Variants in MEF2C observed in about 807,000 individuals in gnomAD.
The protein encoded by MEF2C is myocyte enhancer factor 2C.
In MEF2C, 6 loss-of-function variants were observed where a neutral mutation model predicts 50.5. The observed-to-expected ratio is 0.12, with a 90% CI of 0.07 to 0.23. The LOEUF (loss-of-function observed/expected upper bound fraction) is 0.23. Among genes scored for constraint, MEF2C ranks in the 10% least tolerant of loss-of-function variants. MEF2C has a pLI of 1.00. For synonymous variants in MEF2C, 183 were observed against 228.0 expected (o/e 0.80, Z 1.78); for missense variants, 276 against 605.0 (o/e 0.46, Z 5.70).
intron 1 of MEF2C, among the ~76,000 whole-genome samples, chr5:88,830,639 G>C (rs1812657422): frequency 6.6e-6 from 1 of 152,010 alleles, no homozygotes; most frequent in Non-Finnish European, 1.5e-5. Flanking sequence ...AGAACCTTGT[G>C]CTATCCAACC....
At chr5:88,741,200 C>T (rs553563902) in intron 6 of MEF2C, 1 of 985,364 alleles carries the variant, frequency 1.0e-6, no homozygotes, top group Admixed American at 6.1e-5. Context: ...TTCATAAATA[C>T]TACTGGAACT....
At chr5:88,831,693 T>C (rs1046445891) in intron 1 of MEF2C, among the ~76,000 whole-genome samples, 1 of 152,088 alleles carries the variant, frequency 6.6e-6, no homozygotes, top group Non-Finnish European at 1.5e-5. Context: ...AATGCTATAA[T>C]ACTATCTCTC....
At chr5:88,734,112 A>T (rs762184440) in intron 6 of MEF2C, 1 of 984,814 alleles carries the variant, frequency 1.0e-6, no homozygotes, top group Non-Finnish European at 1.2e-6. Flanking sequence ...TTTATATTTA[A>T]TATGTCATCC....
In MEF2C at chr5:88,891,393, C is replaced by CTTT. The variant is rs771799863; in HGVS notation, c.-239-3798_-239-3796dup. Among the ~76,000 whole-genome samples, 429 of 104,826 alleles carry CTTT rather than the reference C, an allele frequency of 4.1e-3. 3 individuals carry two copies. The highest frequency in any genetic ancestry group is 7.1e-3 in the African/African-American group (171 of 24,064). 68.8% of individuals were successfully genotyped at this position (104,826 alleles called of 152,430 possible). On this transcript the variant is annotated intron_variant, in intron 1 of 11. Transcript: ENST00000340208. ...TCAGAAATGTTAATAACCAACCAAC[C>CTTT]TTTTTTTTTTTTTTTTTTTTTTGAG...
At chr5:88,898,945 A>G (rs1314507436) in intron 1 of MEF2C, among the ~76,000 whole-genome samples, 1 of 152,142 alleles carries the variant, frequency 6.6e-6, no homozygotes, top group Non-Finnish European at 1.5e-5. Flanking sequence ...TCTTGTTCCA[A>G]CATTTTCCTG....
At chr5:88,828,736 G>A (rs1811908310) in intron 1 of MEF2C, among the ~76,000 whole-genome samples, 1 of 151,972 alleles carries the variant, frequency 6.6e-6, no homozygotes, top group East Asian at 1.9e-4. Context: ...TATGAAGCAT[G>A]CAATTATATT....
At chr5:88,891,722 TATTACAA>T (rs1834600678) in intron 1 of MEF2C, among the ~76,000 whole-genome samples, 1 of 152,152 alleles carries the variant, frequency 6.6e-6, no homozygotes, top group Non-Finnish European at 1.5e-5. Flanking sequence ...AACAAAACAT[TATTACAA>T]ATTACACTAT....
chr5:88,782,664 TAA>T (rs1170191352), intron 3 of MEF2C, among the ~76,000 whole-genome samples: 1 of 152,186 alleles, frequency 6.6e-6, no homozygotes, highest in Non-Finnish European at 1.5e-5. Flanking sequence ...AATAAAAATA[TAA>T]GTTTGGTGAA....
intron 3 of MEF2C, among the ~76,000 whole-genome samples, chr5:88,793,620 C>A (rs1794780782): frequency 6.6e-6 from 1 of 151,958 alleles, no homozygotes; most frequent in African/African-American, 2.4e-5. Context: ...TAATATGTAT[C>A]TATATAGCAC....
chr5:88,737,143 G>A, intron 6 of MEF2C: 1 of 985,368 alleles, frequency 1.0e-6, no homozygotes, highest in Non-Finnish European at 1.2e-6. Context: ...ACAATGAGGT[G>A]AGAACTGAAA....
At chr5:88,755,750 T>C (rs1290949486) in intron 4 of MEF2C, among the ~76,000 whole-genome samples, 1 of 152,240 alleles carries the variant, frequency 6.6e-6, no homozygotes, top group Non-Finnish European at 1.5e-5. Flanking sequence ...TAAAACTATA[T>C]CTTCCCTGAA....
At chr5:88,766,003 C>T (rs1779883818) in intron 3 of MEF2C, among the ~76,000 whole-genome samples, 1 of 152,172 alleles carries the variant, frequency 6.6e-6, no homozygotes, top group African/African-American at 2.4e-5. Context: ...CTGAGAACAG[C>T]CGTTTCCTAG....
chr5:88,780,415 CAG>C (rs1296796629), intron 3 of MEF2C, among the ~76,000 whole-genome samples: 14 of 152,134 alleles, frequency 9.2e-5, no homozygotes, highest in Non-Finnish European at 1.5e-5. Flanking sequence ...TGAAAATCTT[CAG>C]AGTGTGAAAA....
upstream of MEF2C, among the ~76,000 whole-genome samples, chr5:88,885,770 T>G (rs1833992127): frequency 6.6e-6 from 1 of 152,214 alleles, no homozygotes; most frequent in African/African-American, 2.4e-5. Context: ...ATACCTAAAA[T>G]TAATGCAGTG....
At chr5:88,768,667 A>G in intron 3 of MEF2C, 3 of 984,944 alleles carry the variant, frequency 3.0e-6, no homozygotes, top group Non-Finnish European at 3.6e-6. Flanking sequence ...TGAAATGAAT[A>G]GATGAACAGA....
chr5:88,831,003 T>C (rs919490202), intron 1 of MEF2C, among the ~76,000 whole-genome samples: 2 of 152,108 alleles, frequency 1.3e-5, no homozygotes, highest in Non-Finnish European at 2.9e-5. Flanking sequence ...GTTGGAGATG[T>C]TGCTATTATA....
At chr5:88,890,644 A>C (rs1834434681) in intron 1 of MEF2C, among the ~76,000 whole-genome samples, 1 of 152,204 alleles carries the variant, frequency 6.6e-6, no homozygotes, top group South Asian at 2.1e-4. Flanking sequence ...ATAGAGTTCA[A>C]AATGAATGCT....
At chr5:88,857,314 C>T (rs555958704) in intron 1 of MEF2C, among the ~76,000 whole-genome samples, 1 of 152,264 alleles carries the variant, frequency 6.6e-6, no homozygotes, top group South Asian at 2.1e-4. Context: ...TAGGAAGTAA[C>T]TAACATGCTT....
At chr5:88,748,038 C>T in intron 6 of MEF2C, 1 of 983,776 alleles carries the variant, frequency 1.0e-6, no homozygotes, top group Non-Finnish European at 1.2e-6. Flanking sequence ...ATCTTGTTTG[C>T]TAATCACTGT....
Sources: gnomAD v4.1 joint callset for allele counts (sites outside exome capture counted in the v4.1 genomes callset) on GRCh38, gnomAD v4.1.1 for gene constraint, MANE v1.5 for transcripts, NCBI Gene and HGNC (gene_info 2026-07-23, HGNC 2026-07-21) for gene names.